The following RAB5B variants were observed in gnomAD, a reference collection of about 807,000 sequenced individuals.
RAB5B encodes the protein ras-related protein Rab-5B.
A neutral mutation model predicts 28.6 loss-of-function variants in RAB5B; 11 were observed. The ratio of observed to expected loss-of-function variants is 0.38; its 90% CI spans 0.24 to 0.64. The LOEUF (loss-of-function observed/expected upper bound fraction) is 0.64. Among genes scored for constraint, RAB5B ranks in the 30% least tolerant of loss-of-function variants. The pLI is 0.53. For missense variants in RAB5B, 169 were observed against 265.6 expected (o/e 0.64, Z 2.53); for synonymous variants, 93 against 97.9 (o/e 0.95, Z 0.29).
In RAB5B at chr12:55,996,667, TAAAAG is replaced by T. The variant is rs1263996147; in HGVS notation, c.*4457_*4461del. The T allele has an allele frequency of 6.6e-6, 1 of 151,880 alleles. No homozygotes were observed. Among genetic ancestry groups the T allele is most frequent in the Non-Finnish European group, 1.5e-5 (1 of 67,956 alleles). 9.4% of individuals were successfully genotyped at this position (151,880 alleles called of 1,614,324 possible). The stretch of plus-strand genomic sequence containing the variant: ...TATTATTTTTTTTTTCTACGCAAAA[TAAAAG>T]ACGGCTATTCAGTGTTGTTGTTTCA... On this transcript the variant is annotated 3_prime_UTR_variant, in exon 6 of 6. Coordinates refer to ENST00000360299, the MANE Select transcript of RAB5B (RefSeq NM_002868.4).
chr12:55,982,044 C>T lies in RAB5B; in HGVS notation c.-92-4825C>T, dbSNP rs181250472. On this transcript the variant is annotated intron_variant, in intron 1 of 5. Coordinates refer to ENST00000360299, the MANE Select transcript of RAB5B (RefSeq NM_002868.4). ...GTTGAATTCCTGACCTTAGGTGATC[C>T]GCCCACCTCAGCCTCCCAAAGTGCT... Among the ~76,000 whole-genome samples, 1,439 of 151,890 alleles carry T rather than the reference C, an allele frequency of 9.5e-3. 15 individuals are homozygous for T. The highest frequency in any genetic ancestry group is 0.044 in the Middle Eastern group (13 of 294).
At chr12:55,990,849 T>C (rs1480703259) in intron 4 of RAB5B, 45 bp downstream of exon 4, 1 of 1,600,586 alleles carries the variant, frequency 6.2e-7, no homozygotes, top group Non-Finnish European at 8.5e-7. Context: ...CCTCTGTTCC[T>C]GGGACCTCTT....
At chr12:55,991,498 A>G (rs1212946347) in intron 5 of RAB5B, 45 bp downstream of exon 5, 12 of 1,518,322 alleles carry the variant, frequency 7.9e-6, no homozygotes, top group Admixed American at 3.4e-5. Context: ...CCTCGTTTAT[A>G]GGCAAAATTA....
chr12:55,980,939 T>C, intron 1 of RAB5B: 1 of 1,613,848 alleles, frequency 6.2e-7, no homozygotes, highest in East Asian at 2.2e-5. Flanking sequence ...GTTGTTGAAG[T>C]TGTCCTCTGC....
chr12:55,989,879 G>C (rs879228742), intron 2 of RAB5B, 68 bp from the exon 3 acceptor site: 2 of 1,518,120 alleles, frequency 1.3e-6, no homozygotes, highest in Admixed American at 1.7e-5. Flanking sequence ...ACATTTTGAA[G>C]GGGGGGAGGG....
chr12:55,982,316 TG>T (rs566270623), intron 1 of RAB5B, among the ~76,000 whole-genome samples: 423 of 152,220 alleles, frequency 2.8e-3, no homozygotes, highest in Non-Finnish European at 5.0e-3. Context: ...GAATCTTATA[TG>T]TATTATTTCA....
intron 1 of RAB5B, chr12:55,980,802 A>G (rs1889783599): frequency 1.3e-6 from 2 of 1,578,398 alleles, no homozygotes; most frequent in Admixed American, 1.7e-5. Flanking sequence ...GCTCCACGGT[A>G]GTAGGCAGTA....
At chr12:55,992,011 T>C (rs2136492065) in intron 5 of RAB5B, 86 bp from the exon 6 acceptor site, 1 of 942,492 alleles carries the variant, frequency 1.1e-6, no homozygotes, top group Non-Finnish European at 1.7e-6. Context: ...TTTTCCCCAA[T>C]TCAGTAGCCG....
chr12:55,988,116 T>TC (rs1200774375), intron 2 of RAB5B, among the ~76,000 whole-genome samples: 1 of 151,988 alleles, frequency 6.6e-6, no homozygotes, highest in Non-Finnish European at 1.5e-5. Flanking sequence ...GCCATTGCAC[T>TC]CCAGCCTGGG....
chr12:55,991,591 G>T lies in RAB5B; in HGVS notation c.532+138G>T, dbSNP rs920101023. 7.7e-6 allele frequency: 5 copies of T among 650,448 alleles called. No individual in the cohort carries two copies. In the Admixed American group the frequency reaches 1.3e-4, roughly 17 times the overall value. The allele number at this position is 650,448 out of a possible 1,614,324, so 40.3% of individuals were successfully genotyped here. Reference sequence around the variant, plus strand: ...TGGAAATACCTTAACTTTCTGTTATGACCTCCATCCTTGGCTGCAGCTTTA... The same window carrying T: ...TGGAAATACCTTAACTTTCTGTTATTACCTCCATCCTTGGCTGCAGCTTTA... On this transcript the variant is annotated intron_variant, in intron 5 of 5. Transcript: ENST00000360299.
Sources: allele counts gnomAD v4.1 joint callset (sites outside exome capture counted in the v4.1 genomes callset), GRCh38; gene constraint gnomAD v4.1.1; transcripts MANE v1.5; gene names NCBI Gene and HGNC (gene_info 2026-07-23, HGNC 2026-07-21).